Variants in CCDC73 observed in about 807,000 individuals in gnomAD.
CCDC73 encodes the protein coiled-coil domain containing 73, also known as coiled-coil domain-containing protein 73.
A neutral mutation model predicts 116.5 loss-of-function variants in CCDC73; 95 were observed. The observed-to-expected ratio is 0.82, with a 90% CI of 0.69 to 0.97. The LOEUF (loss-of-function observed/expected upper bound fraction) is 0.97. Ranked by LOEUF, CCDC73 falls within the 50% of genes least tolerant of loss-of-function variation. CCDC73 has a pLI of 0.00. For synonymous variants in CCDC73, 398 were observed against 401.3 expected, an observed-to-expected ratio of 0.99 and a Z score of 0.10; for missense variants, 1,066 against 1,206.8, an observed-to-expected ratio of 0.88 and a Z score of 1.73.
chr11:32,640,007 T>C (rs1855718428), intron 13 of CCDC73, among the ~76,000 whole-genome samples: 1 of 152,232 alleles, frequency 6.6e-6, no homozygotes, highest in Non-Finnish European at 1.5e-5. Context: ...GATTCCAATT[T>C]ATTTTTATCA....
chr11:32,801,910 G>T, the CCDC73 span, among the ~76,000 whole-genome samples: 1 of 152,298 alleles, frequency 6.6e-6, no homozygotes. Flanking sequence ...ATGGAACTCG[G>T]TTAGATCACC....
intron 12 of CCDC73, among the ~76,000 whole-genome samples, chr11:32,644,688 G>A (rs1855761368): frequency 6.6e-6 from 1 of 152,120 alleles, no homozygotes; most frequent in African/African-American, 2.4e-5. Context: ...ATATGTTCAT[G>A]TAACTCCCAG....
intron 2 of CCDC73, among the ~76,000 whole-genome samples, chr11:32,740,466 C>T (rs1850173471): frequency 6.6e-6 from 1 of 151,940 alleles, no homozygotes; most frequent in South Asian, 2.1e-4. Flanking sequence ...TCTAGGTTTT[C>T]CAATTTATTG....
At chr11:32,665,640 A>G (rs1471803370) in intron 9 of CCDC73, among the ~76,000 whole-genome samples, 1 of 152,028 alleles carries the variant, frequency 6.6e-6, no homozygotes, top group Non-Finnish European at 1.5e-5. Flanking sequence ...TTTTAATTGG[A>G]GCATTTAGCC....
chr11:32,776,461 C>T (rs1048892917), intron 1 of CCDC73, among the ~76,000 whole-genome samples: 1 of 152,004 alleles, frequency 6.6e-6, no homozygotes, highest in Non-Finnish European at 1.5e-5. Context: ...ATCTTCTGCC[C>T]CCAAAAGACT....
intron 1 of CCDC73, among the ~76,000 whole-genome samples, chr11:32,761,712 G>A (rs1021431260): frequency 6.6e-6 from 1 of 152,122 alleles, no homozygotes; most frequent in African/African-American, 2.4e-5. Flanking sequence ...ATGGGGGGGT[G>A]TATGTATATA....
At chr11:32,652,201 G>A (rs1321169979) in intron 12 of CCDC73, among the ~76,000 whole-genome samples, 2 of 152,030 alleles carry the variant, frequency 1.3e-5, no homozygotes, top group Non-Finnish European at 2.9e-5. Context: ...CTACTCGGGA[G>A]GCTGAGGCAG....
intron 6 of CCDC73, among the ~76,000 whole-genome samples, chr11:32,692,629 C>T (rs956201976): frequency 6.6e-6 from 1 of 152,166 alleles, no homozygotes; most frequent in African/African-American, 2.4e-5. Context: ...ATCTACCTAT[C>T]CTCTCTTTAT....
chr11:32,737,830 C>A (rs1850149132), intron 2 of CCDC73, among the ~76,000 whole-genome samples: 1 of 151,956 alleles, frequency 6.6e-6, no homozygotes, highest in Non-Finnish European at 1.5e-5. Context: ...CCAGCTCACC[C>A]CTAACCCCAC....
chr11:32,696,208 C>T (rs1565078250), intron 6 of CCDC73, among the ~76,000 whole-genome samples: 1 of 151,986 alleles, frequency 6.6e-6, no homozygotes, highest in Non-Finnish European at 1.5e-5. Flanking sequence ...TATTTGGTAA[C>T]CATAATTAAG....
chr11:32,627,711 A>G (rs969250515), intron 14 of CCDC73, among the ~76,000 whole-genome samples: 9 of 152,190 alleles, frequency 5.9e-5, no homozygotes, highest in Admixed American at 2.0e-4. Context: ...TCAGCAAACT[A>G]TCGCAAGGAC....
chr11:32,825,295 CTTT>C, the CCDC73 span, among the ~76,000 whole-genome samples: 77 of 64,464 alleles, frequency 1.2e-3, no homozygotes, highest in African/African-American at 3.1e-3. Context: ...CTGATGCAGA[CTTT>C]TTTTTTTTTT....
intron 1 of CCDC73, among the ~76,000 whole-genome samples, chr11:32,769,475 G>A (rs1443495677): frequency 6.6e-6 from 1 of 152,172 alleles, no homozygotes; most frequent in African/African-American, 2.4e-5. Flanking sequence ...CCAAGAGGAA[G>A]AGCAGAACAT....
chr11:32,670,947 C>G (rs1004116609), intron 9 of CCDC73, among the ~76,000 whole-genome samples: 69 of 152,198 alleles, frequency 4.5e-4, no homozygotes, highest in Non-Finnish European at 9.0e-4. Flanking sequence ...ATTACTTAAT[C>G]TCAAGAGCAT....
intron 6 of CCDC73, among the ~76,000 whole-genome samples, chr11:32,691,555 T>G (rs572871213): frequency 1.1e-4 from 17 of 152,168 alleles, no homozygotes; most frequent in Non-Finnish European, 2.4e-4. Flanking sequence ...AAAATCAGAT[T>G]GTTTTCTTAT....
chr11:32,695,317 C>T lies in CCDC73; in HGVS notation c.390+3934G>A, dbSNP rs574326336. On this transcript the variant is annotated intron_variant, in intron 6 of 17. Transcript: ENST00000335185. ...CCAGGAGGTAGAAGTTGCAATGAGCCGAGATCGCGCCACTGCACTCCAGCC... is the reference window on the plus strand; with the variant it reads ...CCAGGAGGTAGAAGTTGCAATGAGCTGAGATCGCGCCACTGCACTCCAGCC... Among the ~76,000 whole-genome samples the T allele has an allele frequency of 6.0e-5, 9 of 149,472 alleles. No individual in the cohort carries two copies. The East Asian group carries it at 7.8e-4, about 13-fold the overall frequency.
At chr11:32,797,366 T>C (rs963539218), upstream of CCDC73, among the ~76,000 whole-genome samples, 4 of 152,230 alleles carry the variant, frequency 2.6e-5, no homozygotes, top group Admixed American at 6.5e-5. Context: ...TTGCCTGGCA[T>C]ATCCTGACTC....
rs572441697 is a variant in CCDC73 at position 32,770,178 on chromosome 11, T to C, written c.-15-9920A>G. On this transcript the variant is annotated intron_variant, in intron 1 of 17. Coordinates refer to ENST00000335185, the MANE Select transcript of CCDC73 (RefSeq NM_001008391.4). ...ACTCAGCTGGAAATGCTGGAACTTATGGGTCTCTTTCTTCACATGGTTTTC... is the reference window on the plus strand; with the variant it reads ...ACTCAGCTGGAAATGCTGGAACTTACGGGTCTCTTTCTTCACATGGTTTTC... Among the ~76,000 whole-genome samples, 7 of 152,324 alleles carry C rather than the reference T, an allele frequency of 4.6e-5. No homozygotes were observed. In the South Asian group the frequency reaches 1.2e-3, roughly 27 times the overall value.
At chr11:32,796,801 G>A (rs1199079490), upstream of CCDC73, among the ~76,000 whole-genome samples, 1 of 152,002 alleles carries the variant, frequency 6.6e-6, no homozygotes, top group Admixed American at 6.6e-5. Flanking sequence ...CTTGAGGTTG[G>A]GAATTTGAGA....
Sources: gnomAD v4.1 joint callset for allele counts (sites outside exome capture counted in the v4.1 genomes callset) on GRCh38, gnomAD v4.1.1 for gene constraint, MANE v1.5 for transcripts, NCBI Gene and HGNC (gene_info 2026-07-23, HGNC 2026-07-21) for gene names.